The following RNFT2 variants were observed in gnomAD, a reference collection of about 807,000 sequenced individuals.
RNFT2 encodes E3 ubiquitin-protein ligase RNFT2.
Under a neutral mutation model 53.0 loss-of-function variants are expected in RNFT2, and 36 were observed. That is an observed-to-expected ratio of 0.68 (90% CI 0.52 to 0.90). The LOEUF is 0.90. Ranked by LOEUF, RNFT2 falls within the 40% of genes least tolerant of loss-of-function variation. The pLI is 0.00. For synonymous variants in RNFT2, 260 were observed against 253.2 expected (o/e 1.03, Z -0.26); for missense variants, 514 against 585.6 (o/e 0.88, Z 1.26).
At chr12:116,745,223 G>A (rs1871838794) in intron 3 of RNFT2, among the ~76,000 whole-genome samples, 1 of 145,516 alleles carries the variant, frequency 6.9e-6, no homozygotes, top group Non-Finnish European at 1.5e-5. Context: ...TGCCCAGGCT[G>A]GAGTGCAGTG....
chr12:116,740,885 T>C (rs1871573408), intron 2 of RNFT2, 151 bp from the exon 3 acceptor site: 7 of 683,682 alleles, frequency 1.0e-5, no homozygotes, highest in Non-Finnish European at 1.8e-5. Context: ...TGGAATGGCA[T>C]GAAAGATTGA....
chr12:116,785,436 A>G (rs1342437897), intron 7 of RNFT2, among the ~76,000 whole-genome samples: 1 of 152,052 alleles, frequency 6.6e-6, no homozygotes, highest in African/African-American at 2.4e-5. Flanking sequence ...GGGACTGCTC[A>G]GTGCACCACC....
chr12:116,849,335 C>T lies in RNFT2; in HGVS notation c.1222C>T (p.Leu408Phe), dbSNP rs1302802330. ...LCQHVFCEEC[L>F]CLWLDRERTC... is the part of the protein sequence containing the mutation. ...GCAGCACGTGTTCTGTGAGGAGTGC[C>T]TCTGCCTGTGGCTGGACCGTGAGCG... Residue 408 changes from leucine to phenylalanine, a missense_variant, in exon 11 of 11, where the codon CTC (leucine) becomes TTC (phenylalanine). Transcript: ENST00000257575. 1.3e-6 allele frequency: 2 copies of T among 1,542,384 alleles called. No individual in the cohort carries two copies. The highest frequency in any genetic ancestry group is 1.7e-6 in the Non-Finnish European group (2 of 1,146,928).
intron 10 of RNFT2, among the ~76,000 whole-genome samples, chr12:116,844,254 A>G (rs1473551777): frequency 6.6e-6 from 1 of 152,016 alleles, no homozygotes; most frequent in Non-Finnish European, 1.5e-5. Context: ...TTTTTCAGAC[A>G]GAGTCTCACC....
chr12:116,782,554 A>G (rs1873761923), intron 7 of RNFT2, among the ~76,000 whole-genome samples: 1 of 152,128 alleles, frequency 6.6e-6, no homozygotes, highest in African/African-American at 2.4e-5. Flanking sequence ...AAAAATGTAA[A>G]TAAAAATAAA....
chr12:116,806,501 A>G (rs1875087053), intron 7 of RNFT2, among the ~76,000 whole-genome samples: 1 of 151,600 alleles, frequency 6.6e-6, no homozygotes. Context: ...AGTGTTTCAC[A>G]TCTATAATCC....
rs1383276974 is a variant in RNFT2, at chr12:116,851,750, A to T, written c.*2302A>T. 8.0e-6 allele frequency: 6 copies of T among 750,686 alleles called. No individual in the cohort carries two copies. In the East Asian group the frequency reaches 1.3e-4, roughly 17 times the overall value. The allele number at this position is 750,686 out of a possible 1,614,324, so 46.5% of individuals were successfully genotyped here. A position where few individuals can be genotyped will look rare whatever the true frequency, so the allele number is the denominator to read the frequency against. ...AGTGAGTGAGACTCTGTCTAAAAAAAAAAAGAAAGAAAGAAGGGAGGGAGG... is the reference window on the plus strand; with the variant it reads ...AGTGAGTGAGACTCTGTCTAAAAAATAAAAGAAAGAAAGAAGGGAGGGAGG... On this transcript the variant is annotated 3_prime_UTR_variant, in exon 11 of 11. Coordinates refer to ENST00000257575, the MANE Select transcript of RNFT2 (RefSeq NM_001382266.1).
chr12:116,808,206 C>G (rs562729519), intron 7 of RNFT2, among the ~76,000 whole-genome samples: 3 of 152,234 alleles, frequency 2.0e-5, no homozygotes, highest in Middle Eastern at 3.4e-3. Context: ...CTCAGGTGAT[C>G]CACCTGCCTT....
intron 7 of RNFT2, among the ~76,000 whole-genome samples, chr12:116,816,267 T>A (rs1223801598): frequency 6.6e-6 from 1 of 152,186 alleles, no homozygotes; most frequent in Non-Finnish European, 1.5e-5. Context: ...GCTGGGCCCT[T>A]CCTGTTCATG....
intron 10 of RNFT2, among the ~76,000 whole-genome samples, chr12:116,848,033 T>C (rs1233622701): frequency 2.0e-5 from 3 of 152,054 alleles, no homozygotes; most frequent in African/African-American, 7.3e-5. Context: ...AGTATGTTGT[T>C]CCCCTCCCTG....
intron 9 of RNFT2, 60 bp downstream of exon 9, chr12:116,836,085 G>T: frequency 6.2e-7 from 1 of 1,607,272 alleles, no homozygotes. Context: ...GGAAACAGCA[G>T]CGACCCCTTC....
At chr12:116,753,360 A>G (rs1413034976) in intron 4 of RNFT2, among the ~76,000 whole-genome samples, 1 of 152,034 alleles carries the variant, frequency 6.6e-6, no homozygotes, top group Admixed American at 6.6e-5. Context: ...CATGTTGGCC[A>G]GGCTGGTCTC....
At chr12:116,741,211 A>G (rs1871594065) in intron 3 of RNFT2, 117 bp downstream of exon 3, 2 of 764,792 alleles carry the variant, frequency 2.6e-6, no homozygotes, top group Non-Finnish European at 2.3e-6. Context: ...AGTCACACTG[A>G]TGGCCTCATA....
intron 1 of RNFT2, chr12:116,738,767 T>A (rs1007418072): frequency 6.6e-6 from 1 of 152,166 alleles, no homozygotes; most frequent in Non-Finnish European, 1.5e-5. Flanking sequence ...CCGAAGCCTC[T>A]TCCAATACAA....
chr12:116,748,615 C>G, intron 3 of RNFT2: 1 of 436,836 alleles, frequency 2.3e-6, no homozygotes, highest in Non-Finnish European at 4.6e-6. Flanking sequence ...GTGGGCCTCC[C>G]AGCTAAGTCT....
At chr12:116,834,142 A>C (rs1283329042) in intron 8 of RNFT2, among the ~76,000 whole-genome samples, 1 of 152,126 alleles carries the variant, frequency 6.6e-6, no homozygotes, top group Admixed American at 6.6e-5. Flanking sequence ...TTTTTGAGAT[A>C]GAGTCTCACT....
At chr12:116,827,930 C>G (rs1431846627) in intron 7 of RNFT2, among the ~76,000 whole-genome samples, 1 of 152,208 alleles carries the variant, frequency 6.6e-6, no homozygotes, top group Non-Finnish European at 1.5e-5. Context: ...GTTCCTGGGG[C>G]TGTGCTCTTG....
chr12:116,797,727 C>T (rs1251577322), intron 7 of RNFT2, among the ~76,000 whole-genome samples: 1 of 150,178 alleles, frequency 6.7e-6, no homozygotes, highest in African/African-American at 2.4e-5. Flanking sequence ...TGTTACAGCA[C>T]CGTGACTACT....
chr12:116,790,041 AAGAGCTT>A (rs1874163947), intron 7 of RNFT2, among the ~76,000 whole-genome samples: 1 of 152,152 alleles, frequency 6.6e-6, no homozygotes, highest in Admixed American at 6.6e-5. Context: ...CAGCAACAGC[AAGAGCTT>A]GGATTTCATT....
Sources: allele counts gnomAD v4.1 joint callset (sites outside exome capture counted in the v4.1 genomes callset), GRCh38; gene constraint gnomAD v4.1.1; transcripts MANE v1.5; gene names NCBI Gene and HGNC (gene_info 2026-07-23, HGNC 2026-07-21).